SCN2A: variants seen among roughly 807,000 people sequenced by gnomAD.
The protein encoded by SCN2A is sodium voltage-gated channel alpha subunit 2, also known as sodium channel protein type 2 subunit alpha.
Under a neutral mutation model 188.7 loss-of-function variants are expected in SCN2A, and 20 were observed. The observed-to-expected ratio is 0.11, with a 90% CI of 0.07 to 0.15. The LOEUF is 0.15. SCN2A is among the 10% of genes least tolerant of loss of function. The pLI, the probability that SCN2A is intolerant of heterozygous loss-of-function variation, is 1.00. For synonymous variants in SCN2A, 804 were observed against 833.1 expected (o/e 0.97, Z 0.60); for missense variants, 1,278 against 2,445.0 (o/e 0.52, Z 10.07).
At chr2:165,321,149 C>G (rs1698057778) in intron 11 of SCN2A, among the ~76,000 whole-genome samples, 1 of 152,222 alleles carries the variant, frequency 6.6e-6, no homozygotes, top group Non-Finnish European at 1.5e-5. Flanking sequence ...CCACAAATCT[C>G]TAGGACAGGG....
At chr2:165,291,408 CTTCCTTCCTCCCTGT>C (rs1696124990) in intron 1 of SCN2A, among the ~76,000 whole-genome samples, 2 of 142,976 alleles carry the variant, frequency 1.4e-5, no homozygotes, top group Admixed American at 7.0e-5. Flanking sequence ...TCCTTCCTTC[CTTCCTTCCTCCCTGT>C]CTGTCTTTCT....
chr2:165,247,750 A>C (rs192135425), intron 1 of SCN2A, among the ~76,000 whole-genome samples: 2 of 152,320 alleles, frequency 1.3e-5, no homozygotes, highest in Admixed American at 1.3e-4. Context: ...CATATAAATC[A>C]TGATGACATC....
At chr2:165,300,085 T>C (rs1301458237) in intron 3 of SCN2A, among the ~76,000 whole-genome samples, 1 of 152,222 alleles carries the variant, frequency 6.6e-6, no homozygotes, top group East Asian at 1.9e-4. Context: ...AGTGTCTTAT[T>C]TGATATTTAA....
At chr2:165,265,471 C>CTCTCTCTCTCTCTCTCTCTA (rs1380825419) in intron 1 of SCN2A, among the ~76,000 whole-genome samples, 2 of 29,018 alleles carry the variant, frequency 6.9e-5, no homozygotes, top group Admixed American at 5.1e-4. Context: ...CTCTGTTGAT[C>CTCTCTCTCTCTCTCTCTCTA]TATATATATA....
chr2:165,296,863 A>C, intron 2 of SCN2A, 154 bp from the exon 3 acceptor site: 1 of 493,610 alleles, frequency 2.0e-6, no homozygotes, highest in South Asian at 4.1e-5. Context: ...GCTCAGAAAA[A>C]AAAAGCATCT....
intron 13 of SCN2A, among the ~76,000 whole-genome samples, chr2:165,329,201 C>G (rs756720290): frequency 6.6e-6 from 1 of 151,998 alleles, no homozygotes; most frequent in Non-Finnish European, 1.5e-5. Context: ...TAATGGATAG[C>G]CTCATGCTTA....
chr2:165,334,049 G>A (rs574099190), intron 14 of SCN2A, among the ~76,000 whole-genome samples: 22 of 148,524 alleles, frequency 1.5e-4, no homozygotes, highest in East Asian at 3.9e-4. Flanking sequence ...AGTAACAAGC[G>A]CCTGAAACTG....
intron 14 of SCN2A, among the ~76,000 whole-genome samples, chr2:165,334,161 G>T (rs1265583707): frequency 1.3e-5 from 2 of 151,514 alleles, no homozygotes; most frequent in Non-Finnish European, 3.0e-5. Context: ...CCTGAGCCCA[G>T]ATAGTATCAC....
chr2:165,313,529 TA>T, intron 8 of SCN2A, 90 bp from the exon 9 acceptor site: 7 of 1,507,532 alleles, frequency 4.6e-6, no homozygotes, highest in Non-Finnish European at 5.5e-6. Context: ...AGTGCCTGTA[TA>T]AAACAGACAT....
At chr2:165,275,164 A>G (rs1241297728) in intron 1 of SCN2A, among the ~76,000 whole-genome samples, 2 of 152,148 alleles carry the variant, frequency 1.3e-5, no homozygotes, top group East Asian at 3.9e-4. Context: ...GCCTTTTCAA[A>G]TGTGAACACC....
chr2:165,373,084 T>C (rs1289137109), intron 20 of SCN2A, 141 bp from the exon 21 acceptor site: 3 of 840,752 alleles, frequency 3.6e-6, no homozygotes, highest in Non-Finnish European at 5.9e-6. Context: ...GACTCTGCTA[T>C]TGGTGTTTTT....
intron 17 of SCN2A, among the ~76,000 whole-genome samples, chr2:165,354,885 C>T (rs1422793434): frequency 6.6e-6 from 1 of 152,124 alleles, no homozygotes; most frequent in Admixed American, 6.6e-5. Flanking sequence ...GTTTCCAATA[C>T]TGACATTTTG....
intron 1 of SCN2A, among the ~76,000 whole-genome samples, chr2:165,276,166 G>T (rs1374741556): frequency 3.3e-5 from 5 of 151,862 alleles, no homozygotes; most frequent in Non-Finnish European, 5.9e-5. Context: ...TGTTTGTTTT[G>T]CTCAGAAGAA....
chr2:165,312,173 TC>T, intron 8 of SCN2A, 85 bp downstream of exon 8: 5 of 935,578 alleles, frequency 5.3e-6, no homozygotes, highest in South Asian at 1.3e-5. Flanking sequence ...CCAGTCCCAC[TC>T]ACTCCTCACT....
chr2:165,307,807 G>C lies in SCN2A; in HGVS notation c.387-41G>C, dbSNP rs747556704. The C allele has an allele frequency of 2.1e-6, 3 of 1,402,950 alleles. No individual in the cohort carries two copies. The South Asian group carries it at 3.5e-5, about 16-fold the overall frequency. 86.9% of individuals were successfully genotyped at this position (1,402,950 alleles called of 1,614,324 possible). On this transcript the variant is annotated intron_variant, in intron 3 of 26. Coordinates refer to ENST00000375437, the MANE Select transcript of SCN2A (RefSeq NM_001040142.2). ...AAGGCATGGTAGTGCATAAAAGTAAGATTTTTCCATTGAACTTTGTCTTCC... is the reference window on the plus strand; with the variant it reads ...AAGGCATGGTAGTGCATAAAAGTAACATTTTTCCATTGAACTTTGTCTTCC...
chr2:165,313,057 T>G (rs1464591239), intron 8 of SCN2A, among the ~76,000 whole-genome samples: 2 of 152,134 alleles, frequency 1.3e-5, no homozygotes, highest in African/African-American at 4.8e-5. Context: ...ATTAGCCCAT[T>G]CTCACATGCG....
chr2:165,381,421 A>G lies in SCN2A; in HGVS notation c.4551+224A>G, dbSNP rs1033650186. The stretch of plus-strand genomic sequence containing the variant: ...TTTTATATGTAAACATATAAAATAC[A>G]TAGAAATAAAATTTGCTATACTTAA... On this transcript the variant is annotated intron_variant, in intron 25 of 26. Transcript: ENST00000375437. 1.6e-4 allele frequency among the ~76,000 whole-genome samples: 25 copies of G among 152,064 alleles called. No individual in the cohort carries two copies. The East Asian group carries it at 3.5e-3, about 21-fold the overall frequency.
intron 22 of SCN2A, 46 bp downstream of exon 22, chr2:165,375,012 G>C (rs997388689): frequency 6.4e-7 from 1 of 1,554,846 alleles, no homozygotes; most frequent in East Asian, 2.3e-5. Flanking sequence ...ATTAAAATGA[G>C]TCTAAAGTTT....
chr2:165,350,780 C>A (rs1340133469), intron 16 of SCN2A, among the ~76,000 whole-genome samples: 1 of 152,092 alleles, frequency 6.6e-6, no homozygotes, highest in African/African-American at 2.4e-5. Context: ...GAACTGTTTT[C>A]TTAAATTGTC....
Sources: allele counts gnomAD v4.1 joint callset (sites outside exome capture counted in the v4.1 genomes callset), GRCh38; gene constraint gnomAD v4.1.1; transcripts MANE v1.5; gene names NCBI Gene and HGNC (gene_info 2026-07-23, HGNC 2026-07-21).